The following SLCO1A2 variants were observed in gnomAD, a reference collection of about 807,000 sequenced individuals.
The protein encoded by SLCO1A2 is solute carrier organic anion transporter family member 1A2.
Under a neutral mutation model 69.0 loss-of-function variants are expected in SLCO1A2, and 67 were observed. That is an observed-to-expected ratio of 0.97 (90% CI 0.80 to 1.19). The LOEUF is 1.19. Ranked by LOEUF, SLCO1A2 falls within the 50% of genes most tolerant of loss-of-function variation. SLCO1A2 has a pLI of 0.00. For synonymous variants in SLCO1A2, 260 were observed against 265.9 expected (o/e 0.98, Z 0.22); for missense variants, 787 against 793.7 (o/e 0.99, Z 0.10).
chr12:21,290,771 C>G (rs1946723704), intron 12 of SLCO1A2, among the ~76,000 whole-genome samples: 1 of 152,086 alleles, frequency 6.6e-6, no homozygotes, highest in Non-Finnish European at 1.5e-5. Context: ...AATGTGACTT[C>G]TCTTCCAAAT....
At chr12:21,347,665 A>AAGAAAGGAAGGAAGGAAGGAAGGAAGG (rs1565510400) in intron 2 of SLCO1A2, among the ~76,000 whole-genome samples, 1 of 6,390 alleles carries the variant, frequency 1.6e-4, no homozygotes, top group Non-Finnish European at 6.0e-4. Flanking sequence ...AAGAAGAAAG[A>AAGAAAGGAAGGAAGGAAGGAAGGAAGG]AAGAAAGGAA....
intron 2 of SLCO1A2, among the ~76,000 whole-genome samples, chr12:21,351,319 T>G (rs1166340997): frequency 6.6e-6 from 1 of 152,168 alleles, no homozygotes; most frequent in Non-Finnish European, 1.5e-5. Flanking sequence ...TAGTGCAGTT[T>G]CTCCAAGTGT....
intron 12 of SLCO1A2, among the ~76,000 whole-genome samples, chr12:21,282,445 T>C (rs1241177723): frequency 6.6e-6 from 1 of 151,524 alleles, no homozygotes; most frequent in Non-Finnish European, 1.5e-5. Flanking sequence ...TGGCTCAACA[T>C]AATAAAGGCC....
At chr12:21,283,769 T>C (rs2136204948) in intron 12 of SLCO1A2, among the ~76,000 whole-genome samples, 1 of 152,236 alleles carries the variant, frequency 6.6e-6, no homozygotes, top group East Asian at 1.9e-4. Context: ...ATTTGAGACA[T>C]TTCTCAGAAG....
upstream of SLCO1A2, among the ~76,000 whole-genome samples, chr12:21,395,770 C>A (rs1038923162): frequency 1.7e-4 from 26 of 152,302 alleles, no homozygotes; most frequent in East Asian, 7.7e-4. Flanking sequence ...CACACTGACA[C>A]CTCAAACGGC....
intron 2 of SLCO1A2, among the ~76,000 whole-genome samples, chr12:21,346,382 C>T (rs959048722): frequency 3.9e-4 from 59 of 152,092 alleles, no homozygotes; most frequent in Non-Finnish European, 1.0e-4. Flanking sequence ...AGAGCAAACA[C>T]GGATATATTT....
chr12:21,322,536 T>C (rs2136853667), intron 2 of SLCO1A2, among the ~76,000 whole-genome samples: 1 of 152,320 alleles, frequency 6.6e-6, no homozygotes, highest in South Asian at 2.1e-4. Context: ...GGCAATTGGT[T>C]GGAAGAGTTA....
chr12:21,333,870 C>G (rs1952760255), intron 2 of SLCO1A2, among the ~76,000 whole-genome samples: 2 of 151,974 alleles, frequency 1.3e-5, no homozygotes, highest in African/African-American at 2.4e-5. Flanking sequence ...TCATAATTCT[C>G]CAATTTTGTA....
At chr12:21,392,885 T>C (rs1941231824) in intron 1 of SLCO1A2, among the ~76,000 whole-genome samples, 1 of 152,230 alleles carries the variant, frequency 6.6e-6, no homozygotes, top group Non-Finnish European at 1.5e-5. Context: ...TCTGAAAATG[T>C]ATCTTAAGTT....
intron 1 of SLCO1A2, among the ~76,000 whole-genome samples, chr12:21,390,754 T>C (rs1246751681): frequency 1.3e-5 from 2 of 152,176 alleles, no homozygotes; most frequent in African/African-American, 4.8e-5. Context: ...GATATCTAAA[T>C]CTTCTTTTGC....
chr12:21,335,186 A>G (rs1415620228), upstream of SLCO1A2, among the ~76,000 whole-genome samples: 1 of 151,982 alleles, frequency 6.6e-6, no homozygotes, highest in Admixed American at 6.6e-5. Flanking sequence ...GCTTCCCTAG[A>G]GTCTCAGGAA....
At position 21,391,931 on chromosome 12, in the gene SLCO1A2, C is replaced by T. The variant is rs372621080; in HGVS notation, c.-190+2975G>A. Among the ~76,000 whole-genome samples, 22 of 152,254 alleles carry T rather than the reference C, an allele frequency of 1.4e-4. No individual in the cohort carries two copies. The South Asian group carries it at 4.1e-3, about 29-fold the overall frequency. On this transcript the variant is annotated intron_variant, in intron 1 of 15. Coordinates refer to the SLCO1A2 transcript ENST00000307378. ...TTCTCTATTTTTCATCCTAGTTTCT[C>T]TCCTTCTGCCTTCCTTTTTCTCCCA... is the stretch of plus-strand genomic sequence containing the variant.
intron 2 of SLCO1A2, among the ~76,000 whole-genome samples, chr12:21,374,198 C>T (rs1053982025): frequency 3.9e-5 from 6 of 152,174 alleles, no homozygotes; most frequent in Admixed American, 1.3e-4. Flanking sequence ...AACTATGTCA[C>T]GTAAAACTCT....
chr12:21,357,690 C>T (rs963583532), intron 2 of SLCO1A2, among the ~76,000 whole-genome samples: 9 of 151,986 alleles, frequency 5.9e-5, no homozygotes, highest in Non-Finnish European at 8.8e-5. Context: ...TCTAACTCAG[C>T]GATTATTTTT....
At chr12:21,370,094 C>CA (rs745509197) in intron 2 of SLCO1A2, among the ~76,000 whole-genome samples, 11 of 151,942 alleles carry the variant, frequency 7.2e-5, no homozygotes, top group Non-Finnish European at 1.3e-4. Context: ...TCATTTTTAA[C>CA]AAAAAAACAA....
At chr12:21,401,244 T>A (rs2137190685) in intron 1 of SLCO1A2, among the ~76,000 whole-genome samples, 1 of 151,926 alleles carries the variant, frequency 6.6e-6, no homozygotes, top group Admixed American at 6.6e-5. Context: ...TATATTGTAA[T>A]TAATAAAAGA....
intron 2 of SLCO1A2, among the ~76,000 whole-genome samples, chr12:21,372,009 A>G (rs114486873): frequency 0.028 from 4,101 of 147,226 alleles, 193 homozygotes; most frequent in African/African-American, 0.11. Context: ...ATCTCAAAAA[A>G]AAAGAAAAAA....
intron 2 of SLCO1A2, among the ~76,000 whole-genome samples, chr12:21,328,110 C>T (rs145172003): frequency 6.1e-4 from 93 of 152,274 alleles, no homozygotes; most frequent in Middle Eastern, 3.4e-3. Context: ...TGCCTGCCAC[C>T]GTGTAAGATA....
intron 12 of SLCO1A2, among the ~76,000 whole-genome samples, chr12:21,288,565 A>G (rs961045039): frequency 3.3e-5 from 5 of 152,200 alleles, no homozygotes; most frequent in Admixed American, 2.6e-4. Context: ...TAGGTACGAA[A>G]AAATGGAAAG....
Sources: gnomAD v4.1 joint callset for allele counts (sites outside exome capture counted in the v4.1 genomes callset) on GRCh38, gnomAD v4.1.1 for gene constraint, MANE v1.5 for transcripts, NCBI Gene and HGNC (gene_info 2026-07-23, HGNC 2026-07-21) for gene names.